The following ADGRL3 variants were observed in gnomAD, a reference collection of about 807,000 sequenced individuals.
ADGRL3 encodes adhesion G protein-coupled receptor L3.
Under a neutral mutation model 153.5 loss-of-function variants are expected in ADGRL3, and 62 were observed. The observed-to-expected ratio is 0.40, with a 90% CI of 0.33 to 0.50. The LOEUF (loss-of-function observed/expected upper bound fraction) is 0.50, where lower values mean the gene tolerates loss of function less well. Among genes scored for constraint, ADGRL3 ranks in the 20% least tolerant of loss-of-function variants. The pLI, the probability that ADGRL3 is intolerant of heterozygous loss-of-function variation, is 0.47. For synonymous variants in ADGRL3, 710 were observed against 672.5 expected, an observed-to-expected ratio of 1.06 and a Z score of -0.86; for missense variants, 1,641 against 1,859.4, an observed-to-expected ratio of 0.88 and a Z score of 2.16.
At chr4:61,460,063 AG>A (rs2097792430) in intron 2 of ADGRL3, among the ~76,000 whole-genome samples, 1 of 152,086 alleles carries the variant, frequency 6.6e-6, no homozygotes, top group Non-Finnish European at 1.5e-5. Context: ...TTTGCTGTAC[AG>A]AAGCTTTTTA....
intron 1 of ADGRL3, among the ~76,000 whole-genome samples, chr4:61,286,269 G>A (rs944198939): frequency 9.3e-5 from 14 of 149,948 alleles, no homozygotes; most frequent in Non-Finnish European, 1.9e-4. Flanking sequence ...GTTACCTGCC[G>A]AATTCATGTA....
chr4:61,280,301 G>A (rs2093670130), intron 1 of ADGRL3, among the ~76,000 whole-genome samples: 1 of 151,574 alleles, frequency 6.6e-6, no homozygotes, highest in East Asian at 2.0e-4. Context: ...GTAGAGACGG[G>A]TTTCACCATA....
chr4:61,947,233 G>A lies in ADGRL3; in HGVS notation c.2628+111G>A, dbSNP rs2098928751. The A allele has an allele frequency of 3.5e-6, 3 of 848,280 alleles. No homozygotes were observed. In the Admixed American group the frequency reaches 7.9e-5, roughly 22 times the overall value. 52.5% of individuals were successfully genotyped at this position (848,280 alleles called of 1,614,324 possible). On this transcript the variant is annotated intron_variant, in intron 16 of 26. Transcript: ENST00000683033. ...TGTTTTTTCTATTTGACATATAACA[G>A]TTCATTATCTGTACAATGTAGTGGT...
chr4:61,699,666 C>T (rs1034514312), intron 6 of ADGRL3, among the ~76,000 whole-genome samples: 14 of 152,052 alleles, frequency 9.2e-5, no homozygotes, highest in South Asian at 4.1e-4. Context: ...ATTGTATGTT[C>T]GACATTTTTG....
At chr4:61,234,221 A>G (rs1207387348) in intron 1 of ADGRL3, among the ~76,000 whole-genome samples, 1 of 152,082 alleles carries the variant, frequency 6.6e-6, no homozygotes, top group Non-Finnish European at 1.5e-5. Flanking sequence ...ACAGTTCCAC[A>G]TGGTTAGGGC....
At chr4:61,554,570 G>A (rs1268236720) in intron 4 of ADGRL3, among the ~76,000 whole-genome samples, 1 of 152,122 alleles carries the variant, frequency 6.6e-6, no homozygotes, top group Admixed American at 6.6e-5. Context: ...AGGTTTGTGT[G>A]TGTGCACTGT....
chr4:61,799,083 G>GGATAGATAGATAGATA (rs150251468), intron 8 of ADGRL3, among the ~76,000 whole-genome samples: 19 of 133,766 alleles, frequency 1.4e-4, no homozygotes, highest in African/African-American at 5.3e-4. Context: ...ATAGGTAGAT[G>GGATAGATAGATAGATA]GATAGATAGA....
intron 8 of ADGRL3, among the ~76,000 whole-genome samples, chr4:61,804,525 CATT>C (rs1390721010): frequency 1.3e-5 from 2 of 152,174 alleles, no homozygotes; most frequent in Admixed American, 6.5e-5. Context: ...TTAACCATAT[CATT>C]ATAGGTGTAA....
At chr4:61,389,924 AC>A (rs1214310796) in intron 2 of ADGRL3, among the ~76,000 whole-genome samples, 1 of 152,168 alleles carries the variant, frequency 6.6e-6, no homozygotes, top group African/African-American at 2.4e-5. Flanking sequence ...TACTTAATCC[AC>A]AGAGCAGGCT....
chr4:61,515,245 G>T (rs1210870920), intron 3 of ADGRL3, among the ~76,000 whole-genome samples: 2 of 152,156 alleles, frequency 1.3e-5, no homozygotes, highest in East Asian at 3.9e-4. Context: ...GGCCTTTCCT[G>T]TATCCTGGAA....
chr4:61,553,438 A>G (rs1387863931), intron 4 of ADGRL3, among the ~76,000 whole-genome samples: 1 of 152,208 alleles, frequency 6.6e-6, no homozygotes, highest in Non-Finnish European at 1.5e-5. Context: ...AAATAATACA[A>G]CTATTAATTA....
At chr4:61,424,855 T>A (rs1480066176) in intron 2 of ADGRL3, among the ~76,000 whole-genome samples, 1 of 151,988 alleles carries the variant, frequency 6.6e-6, no homozygotes, top group Non-Finnish European at 1.5e-5. Flanking sequence ...AGCTAAGGGG[T>A]AGAGCCACCA....
chr4:61,886,684 C>G (rs1388631601), intron 9 of ADGRL3, among the ~76,000 whole-genome samples: 2 of 152,008 alleles, frequency 1.3e-5, no homozygotes. Context: ...CTCTGTCGCC[C>G]AGGCTGTAGT....
chr4:62,043,002 T>C (rs1273120601), intron 24 of ADGRL3, among the ~76,000 whole-genome samples: 1 of 152,082 alleles, frequency 6.6e-6, no homozygotes, highest in Non-Finnish European at 1.5e-5. Context: ...CTCTTTTATG[T>C]TTTCCTTTGT....
At chr4:62,068,316 C>T (rs557938602) in intron 26 of ADGRL3, 133 bp downstream of exon 26, 4 of 657,914 alleles carry the variant, frequency 6.1e-6, no homozygotes, top group South Asian at 2.8e-5. Context: ...GCCTATGAAT[C>T]GACTTATATA....
At chr4:61,974,173 G>T (rs1417673402) in intron 17 of ADGRL3, among the ~76,000 whole-genome samples, 3 of 152,074 alleles carry the variant, frequency 2.0e-5, no homozygotes, top group Non-Finnish European at 4.4e-5. Context: ...TCAGCATGTT[G>T]CCCAGGCTAG....
intron 13 of ADGRL3, among the ~76,000 whole-genome samples, chr4:61,934,218 C>A (rs992715315): frequency 6.6e-6 from 1 of 152,082 alleles, no homozygotes; most frequent in African/African-American, 2.4e-5. Context: ...TGTTTATTCC[C>A]CTCCCTAGTA....
chr4:62,056,278 T>C (rs536741320), intron 25 of ADGRL3, among the ~76,000 whole-genome samples: 4 of 151,854 alleles, frequency 2.6e-5, no homozygotes, highest in Non-Finnish European at 5.9e-5. Flanking sequence ...ATAAATATAA[T>C]ATATATTTGG....
chr4:62,006,003 C>CACACACATATATAT lies in ADGRL3; in HGVS notation c.3395+7739_3395+7740insCACACATATATATA, dbSNP rs1230956055. On this transcript the variant is annotated intron_variant, in intron 21 of 26. Transcript: ENST00000683033. ...ACACACACACACACACACACACACA[C>CACACACATATATAT]ATATATATATATATATATATATATA... Among the ~76,000 whole-genome samples the CACACACATATATAT allele has an allele frequency of 8.2e-5, 4 of 49,020 alleles. No individual in the cohort carries two copies. In the East Asian group the frequency reaches 2.7e-3, roughly 33 times the overall value. The allele number at this position is 49,020 out of a possible 152,430, so 32.2% of individuals were successfully genotyped here.
Sources: gnomAD v4.1 joint callset for allele counts (sites outside exome capture counted in the v4.1 genomes callset) on GRCh38, gnomAD v4.1.1 for gene constraint, MANE v1.5 for transcripts, NCBI Gene and HGNC (gene_info 2026-07-23, HGNC 2026-07-21) for gene names.